CREB5: variants seen among roughly 807,000 people sequenced by gnomAD.
The protein encoded by CREB5 is cAMP responsive element binding protein 5, also known as cyclic AMP-responsive element-binding protein 5.
In CREB5, 19 loss-of-function variants were observed where a neutral mutation model predicts 57.1. The ratio of observed to expected loss-of-function variants is 0.33; its 90% CI spans 0.23 to 0.49. The LOEUF (loss-of-function observed/expected upper bound fraction) is 0.49. CREB5 is among the 20% of genes least tolerant of loss of function. CREB5 has a pLI of 0.99. For missense variants in CREB5, 579 were observed against 671.6 expected, an observed-to-expected ratio of 0.86 and a Z score of 1.52; for synonymous variants, 238 against 238.3, an observed-to-expected ratio of 1.00 and a Z score of 0.01.
rs370715248 is a variant in CREB5, at chr7:28,501,990, G to T, written c.170-5626G>T. Among the ~76,000 whole-genome samples, 56 of 152,266 alleles carry T rather than the reference G, an allele frequency of 3.7e-4. No homozygotes were observed. In the South Asian group the frequency reaches 3.7e-3, roughly 10 times the overall value. On this transcript the variant is annotated intron_variant, in intron 3 of 10. Transcript: ENST00000357727. ...CCCAGTATATGAGTCAAGAGTGTAA[G>T]AGGGTGTTCCATCTCCCCACTGACC...
intron 7 of CREB5, among the ~76,000 whole-genome samples, chr7:28,793,945 T>C (rs1487245541): frequency 6.6e-6 from 1 of 152,212 alleles, no homozygotes; most frequent in Admixed American, 6.5e-5. Context: ...AATAATTAGG[T>C]CACTCACTCA....
chr7:28,548,704 A>G (rs889599250), intron 4 of CREB5, among the ~76,000 whole-genome samples: 25 of 152,180 alleles, frequency 1.6e-4, no homozygotes, highest in African/African-American at 4.8e-4. Flanking sequence ...TCTTCTTTTA[A>G]TCACACAACC....
At chr7:28,443,431 A>C (rs976285517) in intron 1 of CREB5, among the ~76,000 whole-genome samples, 1 of 152,174 alleles carries the variant, frequency 6.6e-6, no homozygotes, top group Non-Finnish European at 1.5e-5. Flanking sequence ...GGACACACTA[A>C]GTCTGTCTTC....
chr7:28,748,546 A>G (rs1804800327), intron 7 of CREB5, among the ~76,000 whole-genome samples: 1 of 152,258 alleles, frequency 6.6e-6, no homozygotes, highest in Non-Finnish European at 1.5e-5. Flanking sequence ...GAAGAATCTC[A>G]GAGTTCTGGA....
intron 5 of CREB5, among the ~76,000 whole-genome samples, chr7:28,589,398 TA>T (rs1486641841): frequency 2.0e-5 from 3 of 151,836 alleles, no homozygotes; most frequent in Non-Finnish European, 4.4e-5. Flanking sequence ...ACTAAAAATA[TA>T]AAAAATTAGC....
At chr7:28,692,173 G>A (rs1032019037) in intron 5 of CREB5, among the ~76,000 whole-genome samples, 6 of 112,872 alleles carry the variant, frequency 5.3e-5, no homozygotes, top group Admixed American at 2.0e-4. Context: ...ATCACAGAGC[G>A]AGACTCCGTC....
chr7:28,407,174 C>T (rs1335594551), intron 1 of CREB5, among the ~76,000 whole-genome samples: 1 of 152,018 alleles, frequency 6.6e-6, no homozygotes, highest in African/African-American at 2.4e-5. Context: ...CTCAGCCTCT[C>T]GAGTAGCTGA....
At chr7:28,551,442 C>T (rs1037982530) in intron 4 of CREB5, among the ~76,000 whole-genome samples, 2 of 152,170 alleles carry the variant, frequency 1.3e-5, no homozygotes, top group East Asian at 1.9e-4. Flanking sequence ...CACACCTCCC[C>T]TCTGTAATTC....
chr7:28,628,739 C>T (rs574650694), intron 5 of CREB5, among the ~76,000 whole-genome samples: 2 of 152,250 alleles, frequency 1.3e-5, no homozygotes, highest in East Asian at 3.9e-4. Context: ...ATTTATCTGG[C>T]TTTTCTAGGA....
At chr7:28,705,408 T>C (rs1209481866) in intron 5 of CREB5, among the ~76,000 whole-genome samples, 1 of 136,094 alleles carries the variant, frequency 7.3e-6, no homozygotes, top group Non-Finnish European at 1.6e-5. Flanking sequence ...AACCAAGCTA[T>C]CATGACAGAC....
chr7:28,363,036 T>TTAGCAC (rs1221585433), intron 1 of CREB5, among the ~76,000 whole-genome samples: 5 of 152,204 alleles, frequency 3.3e-5, no homozygotes, highest in African/African-American at 1.2e-4. Flanking sequence ...AAGATTGTGC[T>TTAGCAC]AAGTATAAGC....
chr7:28,406,884 G>C (rs1787592760), intron 1 of CREB5, among the ~76,000 whole-genome samples: 1 of 150,538 alleles, frequency 6.6e-6, no homozygotes, highest in Admixed American at 6.6e-5. Context: ...GGGGAATTAT[G>C]GGGTAAAGGT....
intron 1 of CREB5, among the ~76,000 whole-genome samples, chr7:28,482,184 GA>G (rs1791360370): frequency 1.3e-5 from 2 of 152,156 alleles, no homozygotes; most frequent in South Asian, 4.1e-4. Context: ...CCCAAAGAAA[GA>G]AATTCTTAGC....
chr7:28,458,553 G>C (rs979616529), intron 1 of CREB5, among the ~76,000 whole-genome samples: 3 of 152,146 alleles, frequency 2.0e-5, no homozygotes, highest in Non-Finnish European at 4.4e-5. Flanking sequence ...CGCAAATATA[G>C]GCAGGCAGGA....
intron 1 of CREB5, among the ~76,000 whole-genome samples, chr7:28,393,399 A>G (rs968916282): frequency 4.6e-5 from 7 of 151,830 alleles, no homozygotes; most frequent in African/African-American, 1.7e-4. Flanking sequence ...CCATCTCTCT[A>G]CTCATTTAAA....
chr7:28,665,164 C>G (rs1160568331), intron 5 of CREB5, among the ~76,000 whole-genome samples: 1 of 152,136 alleles, frequency 6.6e-6, no homozygotes, highest in African/African-American at 2.4e-5. Flanking sequence ...AGCTTGACCT[C>G]TGCTGCTGGG....
intron 1 of CREB5, among the ~76,000 whole-genome samples, chr7:28,354,164 G>A (rs529915062): frequency 2.0e-5 from 3 of 152,290 alleles, no homozygotes; most frequent in Middle Eastern, 3.4e-3. Context: ...AGGAAGGCGT[G>A]ATGGTTAATA....
At chr7:28,626,309 T>G (rs534433779) in intron 5 of CREB5, among the ~76,000 whole-genome samples, 1 of 152,332 alleles carries the variant, frequency 6.6e-6, no homozygotes, top group African/African-American at 2.4e-5. Flanking sequence ...CAAATTTGAA[T>G]TGAAAATTTC....
intron 1 of CREB5, among the ~76,000 whole-genome samples, chr7:28,324,040 C>A (rs1184292006): frequency 6.6e-6 from 1 of 152,132 alleles, no homozygotes; most frequent in Non-Finnish European, 1.5e-5. Context: ...AGGTAATGTG[C>A]ATGATGGAGA....
Sources: allele counts gnomAD v4.1 joint callset (sites outside exome capture counted in the v4.1 genomes callset), GRCh38; gene constraint gnomAD v4.1.1; transcripts MANE v1.5; gene names NCBI Gene and HGNC (gene_info 2026-07-23, HGNC 2026-07-21).